Variants in AGGF1 observed in about 807,000 individuals in gnomAD.
AGGF1 encodes the protein angiogenic factor with G-patch and FHA domains 1, also known as angiogenic factor with G patch and FHA domains 1.
In AGGF1, 56 loss-of-function variants were observed where a neutral mutation model predicts 86.5. The ratio of observed to expected loss-of-function variants is 0.65; its 90% confidence interval spans 0.52 to 0.81. The LOEUF (loss-of-function observed/expected upper bound fraction) is 0.81. AGGF1 is among the 30% of genes least tolerant of loss of function. The probability of loss-of-function intolerance (pLI) is 0.00; values close to 1 mark genes in which losing one functional copy is unlikely to be tolerated. For missense variants in AGGF1, 816 were observed against 850.9 expected (o/e 0.96, Z 0.51); for synonymous variants, 313 against 297.1 (o/e 1.05, Z -0.55).
Position 77,063,168 on chromosome 5 carries a change from G to C in AGGF1, c.2061G>C (p.Glu687Asp), listed in dbSNP as rs1263169424. Residue 687 changes from glutamate to aspartate, a missense_variant, in exon 14 of 14, where the codon GAG becomes GAC. Coordinates refer to ENST00000312916, the MANE Select transcript of AGGF1 (RefSeq NM_018046.5). ...AAAAAAACTGGGACAAAGCACGAGA[G>C]CGGTTTACTGAAAACTTCCCAGAAA... ...KNKKNWDKAR[E>D]RFTENFPETK... 1.2e-6 allele frequency: 2 copies of C among 1,613,846 alleles called. No homozygotes were observed. Among genetic ancestry groups the C allele is most frequent in the Non-Finnish European group, 1.7e-6 (2 of 1,179,932 alleles).
chr5:77,037,285 T>C (rs1746985137), intron 4 of AGGF1, among the ~76,000 whole-genome samples: 1 of 152,202 alleles, frequency 6.6e-6, no homozygotes, highest in African/African-American at 2.4e-5. Context: ...TTTTAGAACC[T>C]AAACCAGTAT....
intron 3 of AGGF1, 148 bp from the exon 4 acceptor site, chr5:77,036,408 T>C (rs1746967779): frequency 2.5e-6 from 2 of 803,054 alleles, no homozygotes; most frequent in African/African-American, 1.7e-5. Flanking sequence ...TTGTAATAAG[T>C]GGTTCAAGTC....
intron 2 of AGGF1, 136 bp downstream of exon 2, chr5:77,034,656 A>T (rs1336623129): frequency 4.4e-6 from 3 of 683,778 alleles, no homozygotes; most frequent in Admixed American, 2.4e-5. Context: ...TCTCCATATG[A>T]TAATGGTATT....
intron 5 of AGGF1, among the ~76,000 whole-genome samples, chr5:77,044,804 T>TTA (rs1194084107): frequency 6.6e-6 from 1 of 152,170 alleles, no homozygotes; most frequent in Non-Finnish European, 1.5e-5. Flanking sequence ...CAAGCTGAAC[T>TTA]TACGCTGTTA....
chr5:77,057,486 G>A (rs1295865632), intron 11 of AGGF1, among the ~76,000 whole-genome samples: 1 of 152,208 alleles, frequency 6.6e-6, no homozygotes, highest in Non-Finnish European at 1.5e-5. Context: ...AGTGAAGCCA[G>A]ATAAAACACG....
At chr5:77,058,301 C>T (rs959248038) in intron 11 of AGGF1, among the ~76,000 whole-genome samples, 6 of 152,112 alleles carry the variant, frequency 3.9e-5, no homozygotes, top group Non-Finnish European at 1.5e-5. Flanking sequence ...TTTTGAGAAA[C>T]TAAAGCTTAG....
chr5:77,057,768 T>C (rs898732287), intron 11 of AGGF1, among the ~76,000 whole-genome samples: 5 of 152,214 alleles, frequency 3.3e-5, no homozygotes, highest in East Asian at 1.9e-4. Flanking sequence ...CCTTGGGTTA[T>C]GTACCTCAGG....
At chr5:77,054,923 G>T (rs2150734103) in intron 10 of AGGF1, among the ~76,000 whole-genome samples, 4 of 152,186 alleles carry the variant, frequency 2.6e-5, no homozygotes, top group Admixed American at 2.6e-4. Context: ...TATTGTCTAT[G>T]TACCATTATT....
chr5:77,042,789 G>A (rs1265598474), intron 5 of AGGF1, among the ~76,000 whole-genome samples: 4 of 55,694 alleles, frequency 7.2e-5, no homozygotes, highest in Admixed American at 1.7e-4. Context: ...CCTCCCGGAC[G>A]GGGCGGCTGG....
intron 5 of AGGF1, 59 bp from the exon 6 acceptor site, chr5:77,046,288 G>A (rs1335917678): frequency 7.4e-7 from 1 of 1,353,588 alleles, no homozygotes; most frequent in Non-Finnish European, 1.1e-6. Context: ...AATGTTATAA[G>A]ATAGTGATGT....
chr5:77,051,582 T>C (rs1209438458), intron 8 of AGGF1, among the ~76,000 whole-genome samples: 1 of 152,144 alleles, frequency 6.6e-6, no homozygotes, highest in East Asian at 1.9e-4. Flanking sequence ...CAGCAAGAAT[T>C]CTCACAGACT....
chr5:77,036,723 A>G lies in AGGF1; in HGVS notation c.681+3A>G, dbSNP rs74609611. ...GCACTGGTTTCTATTATGATTCTGTAAGTATCTCAGACCTTTTTGTTTTGT... is the reference window on the plus strand; with the variant it reads ...GCACTGGTTTCTATTATGATTCTGTGAGTATCTCAGACCTTTTTGTTTTGT... On this transcript the variant is annotated splice_donor_region_variant and intron_variant, in intron 4 of 13. Transcript: ENST00000312916. The G allele has an allele frequency of 2.8e-5, 45 of 1,611,970 alleles. No homozygotes were observed. Among genetic ancestry groups the G allele is most frequent in the Non-Finnish European group, 3.8e-5 (45 of 1,179,812 alleles).
At chr5:77,049,099 G>A (rs1747325384) in intron 8 of AGGF1, 112 bp downstream of exon 8, 14 of 950,498 alleles carry the variant, frequency 1.5e-5, no homozygotes. Flanking sequence ...AACATGCAGT[G>A]TAGTAATGGT....
At chr5:77,047,541 C>T (rs979794380) in intron 6 of AGGF1, among the ~76,000 whole-genome samples, 1 of 152,004 alleles carries the variant, frequency 6.6e-6, no homozygotes, top group African/African-American at 2.4e-5. Context: ...TGAGACAGAG[C>T]CTTGCTCTAT....
intron 1 of AGGF1, among the ~76,000 whole-genome samples, chr5:77,032,912 A>G (rs1027175863): frequency 7.9e-5 from 12 of 151,432 alleles, no homozygotes; most frequent in East Asian, 5.8e-4. Flanking sequence ...ATATCATTCA[A>G]TGTTCACGTG....
chr5:77,052,642 A>G (rs1747393403), intron 8 of AGGF1, 64 bp from the exon 9 acceptor site: 1 of 1,160,768 alleles, frequency 8.6e-7, no homozygotes, highest in African/African-American at 1.5e-5. Context: ...ATCATATCAT[A>G]CAGAAATTGT....
At position 77,047,201 on chromosome 5, in the gene AGGF1, T is replaced by G. The variant is rs1334521217; in HGVS notation, c.1201+524T>G. On this transcript the variant is annotated intron_variant, in intron 6 of 13. Transcript: ENST00000312916. ...TCAAGCAACCTCAGATCAAAAATAT[T>G]CAGGGAAAAAAATGGATAGCTACAT... Among the ~76,000 whole-genome samples, 3 of 151,822 alleles carry G rather than the reference T, an allele frequency of 2.0e-5. No homozygotes were observed. In the East Asian group the frequency reaches 5.8e-4, roughly 29 times the overall value.
At chr5:77,060,707 T>G (rs1747547271) in intron 12 of AGGF1, among the ~76,000 whole-genome samples, 1 of 152,184 alleles carries the variant, frequency 6.6e-6, no homozygotes, top group South Asian at 2.1e-4. Flanking sequence ...TGGCAACATT[T>G]TTTTCTTAAT....
At chr5:77,062,132 A>C (rs1747573014) in intron 13 of AGGF1, among the ~76,000 whole-genome samples, 1 of 152,240 alleles carries the variant, frequency 6.6e-6, no homozygotes, top group Non-Finnish European at 1.5e-5. Context: ...GTTAGTTTAC[A>C]AACAGGTGGA....
Sources: allele counts gnomAD v4.1 joint callset (sites outside exome capture counted in the v4.1 genomes callset), GRCh38; gene constraint gnomAD v4.1.1; transcripts MANE v1.5; gene names NCBI Gene and HGNC (gene_info 2026-07-23, HGNC 2026-07-21).